The following NEDD1 variants were observed in gnomAD, a reference collection of about 807,000 sequenced individuals.
NEDD1 encodes protein NEDD1.
NEDD1 carries 33 observed loss-of-function variants against 74.0 expected under a neutral mutation model. That is an observed-to-expected ratio of 0.45 (90% CI 0.34 to 0.60). The LOEUF is 0.60. Among genes scored for constraint, NEDD1 ranks in the 20% least tolerant of loss-of-function variants. The pLI is 0.01. For synonymous variants in NEDD1, 250 were observed against 264.4 expected, an observed-to-expected ratio of 0.95 and a Z score of 0.53; for missense variants, 746 against 776.5, an observed-to-expected ratio of 0.96 and a Z score of 0.47.
intron 14 of NEDD1, among the ~76,000 whole-genome samples, chr12:96,946,653 A>G (rs915674561): frequency 1.1e-4 from 17 of 152,178 alleles, no homozygotes; most frequent in African/African-American, 4.1e-4. Flanking sequence ...GGATACATCA[A>G]ATGATCTGCC....
chr12:96,922,721 T>G (rs1462748816), intron 6 of NEDD1, among the ~76,000 whole-genome samples: 6 of 152,196 alleles, frequency 3.9e-5, no homozygotes, highest in Admixed American at 2.6e-4. Context: ...TATACGTAAA[T>G]ACATTGGTGT....
chr12:96,948,635 GTGCATCTGTTTC>G (rs1273780295), intron 14 of NEDD1, among the ~76,000 whole-genome samples: 4 of 152,166 alleles, frequency 2.6e-5, no homozygotes, highest in African/African-American at 9.6e-5. Context: ...GTGGAAATCT[GTGCATCTGTTTC>G]TGTTGTCTAT....
chr12:96,938,791 T>C (rs1296356007), intron 9 of NEDD1, among the ~76,000 whole-genome samples: 3 of 146,796 alleles, frequency 2.0e-5, no homozygotes, highest in Non-Finnish European at 4.5e-5. Flanking sequence ...GCTTCATCAT[T>C]CTCTTTCTCT....
rs1345400853 is a variant in NEDD1, at chr12:96,909,730, C to T, written c.-8-22C>T. On this transcript the variant is annotated intron_variant, in intron 2 of 15. Transcript: ENST00000266742. ...TCTATTCTTAAATGTTTTTAAAATACATTGTTTTAAACTATTTGTAGGCGC... is the reference window on the plus strand; with the variant it reads ...TCTATTCTTAAATGTTTTTAAAATATATTGTTTTAAACTATTTGTAGGCGC... The T allele has an allele frequency of 6.3e-6, 10 of 1,582,910 alleles. No homozygotes were observed. The East Asian group carries it at 1.8e-4, about 28-fold the overall frequency.
At chr12:96,936,880 A>G (rs1877159384) in intron 8 of NEDD1, 68 bp downstream of exon 8, 1 of 940,210 alleles carries the variant, frequency 1.1e-6, no homozygotes, top group Non-Finnish European at 1.6e-6. Context: ...TGGAAATTAT[A>G]TGTGGTCAAT....
chr12:96,946,747 A>T (rs1878238152), intron 14 of NEDD1, among the ~76,000 whole-genome samples: 1 of 152,122 alleles, frequency 6.6e-6, no homozygotes, highest in Non-Finnish European at 1.5e-5. Flanking sequence ...TTCATTTGGG[A>T]TCAGTAGAAT....
chr12:96,940,654 C>CTCCA (rs1877576329), intron 10 of NEDD1, 117 bp downstream of exon 10: 1 of 612,632 alleles, frequency 1.6e-6, no homozygotes, highest in Non-Finnish European at 2.7e-6. Context: ...TGCTAATTTT[C>CTCCA]TCCATCCCTG....
chr12:96,923,688 A>G (rs1308450130), intron 6 of NEDD1, among the ~76,000 whole-genome samples: 2 of 152,038 alleles, frequency 1.3e-5, no homozygotes, highest in African/African-American at 4.8e-5. Context: ...AAATTTATTT[A>G]TAATTTCTTA....
chr12:96,927,687 T>C (rs923136124), intron 6 of NEDD1, among the ~76,000 whole-genome samples: 9 of 152,236 alleles, frequency 5.9e-5, no homozygotes, highest in Non-Finnish European at 8.8e-5. Context: ...AAATGTTTTA[T>C]GTATAGATTT....
intron 9 of NEDD1, among the ~76,000 whole-genome samples, chr12:96,939,624 T>C (rs1308508803): frequency 6.6e-6 from 1 of 152,036 alleles, no homozygotes; most frequent in African/African-American, 2.4e-5. Context: ...TGGCAGACTT[T>C]AATCAAAATT....
intron 2 of NEDD1, among the ~76,000 whole-genome samples, chr12:96,909,409 A>C (rs1873663920): frequency 6.6e-6 from 1 of 152,204 alleles, no homozygotes; most frequent in Non-Finnish European, 1.5e-5. Flanking sequence ...AGGGAGCAGC[A>C]AATGAAAAGA....
rs758551094 is a variant in NEDD1 at position 96,909,789 on chromosome 12, A to G, written c.30A>G (p.Ser10=). Residue 10 remains serine, a synonymous_variant, in exon 3 of 16, where the codon TCA becomes TCG. Coordinates refer to ENST00000266742, the MANE Select transcript of NEDD1 (RefSeq NM_152905.4). MQENLRFAS[S]GDDIKIWDAS... Reference sequence around the variant, plus strand: ...AGGAAAACCTCAGATTTGCTTCATCAGGAGATGATATTAAAATATGGGATG... The same window carrying G: ...AGGAAAACCTCAGATTTGCTTCATCGGGAGATGATATTAAAATATGGGATG... 2.1e-5 allele frequency: 34 copies of G among 1,613,256 alleles called. No individual in the cohort carries two copies. In the East Asian group the frequency reaches 6.5e-4, roughly 31 times the overall value.
chr12:96,928,487 A>T (rs1228707814), intron 6 of NEDD1, among the ~76,000 whole-genome samples: 1 of 152,078 alleles, frequency 6.6e-6, no homozygotes, highest in Non-Finnish European at 1.5e-5. Flanking sequence ...AAGGAGCTTA[A>T]GTGTTACCCT....
At chr12:96,929,542 A>T (rs1218443129) in intron 6 of NEDD1, among the ~76,000 whole-genome samples, 1 of 142,022 alleles carries the variant, frequency 7.0e-6, no homozygotes, top group East Asian at 2.0e-4. Context: ...AGAGCTCCCT[A>T]TTGTTTTCAT....
intron 6 of NEDD1, among the ~76,000 whole-genome samples, chr12:96,928,783 T>C (rs558737313): frequency 6.6e-6 from 1 of 150,412 alleles, no homozygotes; most frequent in African/African-American, 2.4e-5. Context: ...GCCTCCTGGG[T>C]TCACACCATT....
intron 9 of NEDD1, among the ~76,000 whole-genome samples, chr12:96,939,150 G>A (rs1422524895): frequency 6.6e-6 from 1 of 151,984 alleles, no homozygotes; most frequent in African/African-American, 2.4e-5. Flanking sequence ...AAAAAATTCT[G>A]TTGCTTCTAT....
intron 14 of NEDD1, among the ~76,000 whole-genome samples, chr12:96,948,580 T>A (rs764697598): frequency 6.6e-5 from 10 of 152,160 alleles, no homozygotes; most frequent in Non-Finnish European, 1.3e-4. Flanking sequence ...TTTTCGTTAT[T>A]AGAGTTGAGA....
intron 6 of NEDD1, among the ~76,000 whole-genome samples, chr12:96,922,702 A>G (rs776916379): frequency 1.8e-4 from 27 of 152,186 alleles, no homozygotes; most frequent in Non-Finnish European, 4.0e-4. Context: ...AGCTTGTTGA[A>G]TTTTTATGTA....
rs1565781897 is a variant in NEDD1, at chr12:96,909,914, AAACACACACACAC to A, written c.136+21_136+33del. 1 of 1,539,446 alleles carries A rather than the reference AAACACACACACAC, an allele frequency of 6.5e-7. No homozygotes were observed. Among genetic ancestry groups the A allele is most frequent in the Non-Finnish European group, 8.8e-7 (1 of 1,132,572 alleles). ...AGCAATAGTATCCTTTAAAAAAAAA[AAACACACACACAC>A]ACACACAAACCGCTTATTAGGTTAA... On this transcript the variant is annotated intron_variant, in intron 3 of 15. Transcript: ENST00000266742.
Sources: allele counts gnomAD v4.1 joint callset (sites outside exome capture counted in the v4.1 genomes callset), GRCh38; gene constraint gnomAD v4.1.1; transcripts MANE v1.5; gene names NCBI Gene and HGNC (gene_info 2026-07-23, HGNC 2026-07-21).